Variants in MTHFD2L observed in about 807,000 individuals in gnomAD.
The protein encoded by MTHFD2L is bifunctional methylenetetrahydrofolate dehydrogenase/cyclohydrolase 2, mitochondrial.
Under a neutral mutation model 34.9 loss-of-function variants are expected in MTHFD2L, and 29 were observed. The ratio of observed to expected loss-of-function variants is 0.83; its 90% CI spans 0.62 to 1.13. The LOEUF (loss-of-function observed/expected upper bound fraction) is 1.13, where lower values mean the gene tolerates loss of function less well. MTHFD2L is among the 50% of genes most tolerant of loss of function. The pLI, the probability that MTHFD2L is intolerant of heterozygous loss-of-function variation, is 0.00. For synonymous variants in MTHFD2L, 167 were observed against 155.7 expected (o/e 1.07, Z -0.54); for missense variants, 481 against 446.5 (o/e 1.08, Z -0.70).
chr4:74,242,721 A>T (rs893482352), intron 6 of MTHFD2L, among the ~76,000 whole-genome samples: 1 of 152,200 alleles, frequency 6.6e-6, no homozygotes, highest in African/African-American at 2.4e-5. Flanking sequence ...TTTGCTTTAT[A>T]TCAAGTGTAA....
chr4:74,199,947 G>A lies in MTHFD2L; in HGVS notation c.604+1G>A, dbSNP rs1734136379. On this transcript the variant is annotated splice_donor_variant, in intron 4 of 7. Transcript: ENST00000325278. LOFTEE classifies it high-confidence loss of function. ...GTTTGGGAAATAATAAAAAGAACAG[G>A]TTGGTAATTTGTGGTCTGCAGGACA... 9 of 1,613,782 alleles carry A rather than the reference G, an allele frequency of 5.6e-6. No individual in the cohort carries two copies. The highest frequency in any genetic ancestry group is 7.6e-6 in the Non-Finnish European group (9 of 1,179,930).
intron 1 of MTHFD2L, among the ~76,000 whole-genome samples, chr4:74,163,431 G>A (rs867677438): frequency 6.6e-6 from 1 of 152,180 alleles, no homozygotes; most frequent in Non-Finnish European, 1.5e-5. Context: ...TTCTGACAAA[G>A]TTAGTTTGAA....
intron 5 of MTHFD2L, among the ~76,000 whole-genome samples, chr4:74,205,274 A>G (rs1735094320): frequency 1.3e-5 from 2 of 152,186 alleles, no homozygotes; most frequent in Admixed American, 1.3e-4. Flanking sequence ...TGTTAGGGCA[A>G]TAATTATGGG....
At chr4:74,153,892 G>C (rs1724092252), upstream of MTHFD2L, among the ~76,000 whole-genome samples, 1 of 151,930 alleles carries the variant, frequency 6.6e-6, no homozygotes, top group Non-Finnish European at 1.5e-5. Flanking sequence ...AATCTATATT[G>C]ATACATTACT....
chr4:74,136,621 A>G (rs1722954910), intron 1 of MTHFD2L, among the ~76,000 whole-genome samples: 1 of 152,114 alleles, frequency 6.6e-6, no homozygotes, highest in Non-Finnish European at 1.5e-5. Flanking sequence ...AAATGTTTTA[A>G]AAATCTGAAA....
At chr4:74,288,607 G>T (rs1309168781) in intron 7 of MTHFD2L, 1 of 152,120 alleles carries the variant, frequency 6.6e-6, no homozygotes, top group African/African-American at 2.4e-5. Flanking sequence ...AAAAACCTCA[G>T]GGGACAATCT....
intron 5 of MTHFD2L, among the ~76,000 whole-genome samples, chr4:74,205,588 T>G (rs140113542): frequency 6.6e-6 from 1 of 152,110 alleles, no homozygotes; most frequent in African/African-American, 2.4e-5. Flanking sequence ...TCTTGAGTAT[T>G]TTTTTTAATT....
At chr4:74,130,107 C>A (rs953369351) in intron 1 of MTHFD2L, among the ~76,000 whole-genome samples, 48 of 152,042 alleles carry the variant, frequency 3.2e-4, no homozygotes, top group Non-Finnish European at 6.5e-4. Context: ...GCCTACCAAC[C>A]AAGAAAAGCC....
rs182172316 is a variant in MTHFD2L at position 74,216,654 on chromosome 4, A to T, written c.713-8648A>T. Reference sequence around the variant, plus strand: ...ATCTCAATCTTATATGCAAACCTTCACTCCTAATTTTACTCCCCTTAGTTT... The same window carrying T: ...ATCTCAATCTTATATGCAAACCTTCTCTCCTAATTTTACTCCCCTTAGTTT... On this transcript the variant is annotated intron_variant, in intron 5 of 7. Coordinates refer to ENST00000325278, the MANE Select transcript of MTHFD2L (RefSeq NM_001144978.3). Among the ~76,000 whole-genome samples the T allele has an allele frequency of 9.1e-4, 138 of 151,490 alleles. 3 individuals carry two copies. The highest frequency in any genetic ancestry group is 3.2e-3 in the African/African-American group (133 of 41,012).
At chr4:74,214,663 C>T (rs1736894490) in intron 5 of MTHFD2L, among the ~76,000 whole-genome samples, 1 of 151,840 alleles carries the variant, frequency 6.6e-6, no homozygotes, top group South Asian at 2.1e-4. Flanking sequence ...TGCAAGGTGT[C>T]TCCCAGTCAG....
intron 6 of MTHFD2L, among the ~76,000 whole-genome samples, chr4:74,243,007 TGAC>T (rs1741932827): frequency 6.6e-6 from 1 of 152,166 alleles, no homozygotes; most frequent in Non-Finnish European, 1.5e-5. Flanking sequence ...ACTAATCAAA[TGAC>T]AACATACAAA....
intron 6 of MTHFD2L, among the ~76,000 whole-genome samples, chr4:74,246,443 A>T (rs2110185336): frequency 6.6e-6 from 1 of 151,928 alleles, no homozygotes; most frequent in Non-Finnish European, 1.5e-5. Context: ...GTTCACTCTG[A>T]TGGTAGTTTC....
chr4:74,188,836 A>G (rs1207011536), intron 3 of MTHFD2L, among the ~76,000 whole-genome samples: 2 of 150,724 alleles, frequency 1.3e-5, no homozygotes, highest in African/African-American at 4.9e-5. Context: ...GGGTATATAT[A>G]TATCAAAACC....
intron 3 of MTHFD2L, among the ~76,000 whole-genome samples, chr4:74,186,520 G>A (rs1054890968): frequency 6.7e-6 from 1 of 149,290 alleles, no homozygotes; most frequent in African/African-American, 2.5e-5. Context: ...TAATATAGAG[G>A]AATCGATTTT....
chr4:74,159,772 G>A (rs1262264247), intron 1 of MTHFD2L, among the ~76,000 whole-genome samples: 1 of 152,170 alleles, frequency 6.6e-6, no homozygotes, highest in African/African-American at 2.4e-5. Context: ...TTATCCCTAT[G>A]CACTGTAAGA....
chr4:74,117,549 A>T (rs149412208), intron 2 of MTHFD2L, among the ~76,000 whole-genome samples: 1 of 152,266 alleles, frequency 6.6e-6, no homozygotes, highest in East Asian at 1.9e-4. Flanking sequence ...CTTGGATTGA[A>T]TTTTAAAGAA....
intron 7 of MTHFD2L, among the ~76,000 whole-genome samples, chr4:74,285,438 A>G (rs1748045295): frequency 6.6e-6 from 1 of 152,200 alleles, no homozygotes; most frequent in Non-Finnish European, 1.5e-5. Context: ...CAAAATGTTT[A>G]CAGAGAAATA....
chr4:74,198,283 A>G (rs1733823482), intron 3 of MTHFD2L, among the ~76,000 whole-genome samples: 1 of 152,114 alleles, frequency 6.6e-6, no homozygotes, highest in Admixed American at 6.5e-5. Context: ...TTTTCAGTGA[A>G]TGGGAGCGCA....
intron 1 of MTHFD2L, chr4:74,140,575 G>A (rs1338960479): frequency 1.0e-6 from 1 of 976,360 alleles, no homozygotes; most frequent in East Asian, 1.1e-4. Flanking sequence ...TACAAAAAAG[G>A]CAATATAATT....
Sources: gnomAD v4.1 joint callset for allele counts (sites outside exome capture counted in the v4.1 genomes callset) on GRCh38, gnomAD v4.1.1 for gene constraint, MANE v1.5 for transcripts, NCBI Gene and HGNC (gene_info 2026-07-23, HGNC 2026-07-21) for gene names.